Variants in TNFAIP2 observed in about 807,000 individuals in gnomAD.
The protein encoded by TNFAIP2 is TNF alpha induced protein 2.
TNFAIP2 carries 47 observed loss-of-function variants against 63.5 expected under a neutral mutation model. The observed-to-expected ratio is 0.74, with a 90% CI of 0.59 to 0.94. The LOEUF is 0.94. Ranked by LOEUF, TNFAIP2 falls within the 40% of genes least tolerant of loss-of-function variation. The probability of loss-of-function intolerance (pLI) is 0.00; values close to 1 mark genes in which losing one functional copy is unlikely to be tolerated. For missense variants in TNFAIP2, 787 were observed against 850.2 expected (o/e 0.93, Z 0.92); for synonymous variants, 405 against 390.2 (o/e 1.04, Z -0.45).
At chr14:103,123,236 C>A (rs2087781301), upstream of TNFAIP2, among the ~76,000 whole-genome samples, 1 of 152,226 alleles carries the variant, frequency 6.6e-6, no homozygotes, top group South Asian at 2.1e-4. Context: ...CGGCCAGCCC[C>A]CCGCCCCTGC....
At chr14:103,134,184 C>T (rs769873624) in intron 11 of TNFAIP2, among the ~76,000 whole-genome samples, 13 of 152,202 alleles carry the variant, frequency 8.5e-5, no homozygotes, top group Non-Finnish European at 1.5e-4. Flanking sequence ...GGCTCATATT[C>T]GGGAGTGGAG....
Position 103,129,669 on chromosome 14 carries a change from C to T in TNFAIP2, c.861-71C>T, listed in dbSNP as rs1055575733. 4.2e-6 allele frequency: 6 copies of T among 1,428,028 alleles called. No homozygotes were observed. The Middle Eastern group carries it at 1.1e-3, about 254-fold the overall frequency. 88.5% of individuals were successfully genotyped at this position (1,428,028 alleles called of 1,614,324 possible). ...GCCTGCCAGAGACCAAGGCTGAGGG[C>T]CTGGGCTCTAGCTTGAGTGGTGGTG... On this transcript the variant is annotated intron_variant, in intron 3 of 11. Coordinates refer to ENST00000560869, the MANE Select transcript of TNFAIP2 (RefSeq NM_006291.4).
In TNFAIP2 at chr14:103,126,556, G is replaced by A. The variant is rs148669851; in HGVS notation, c.99G>A (p.Lys33=). The A allele has an allele frequency of 4.2e-4, 652 of 1,562,628 alleles. 2 individuals carry two copies. In the African/African-American group the frequency reaches 8.0e-3, roughly 19 times the overall value. ...EEEAAKKKKE[K]KKKSKGLANV... ...AGGCGGCGAAGAAGAAGAAGGAGAA[G>A]AAGAAGAAGTCCAAAGGCCTGGCCA... The change falls in exon 2 of 12, where the codon AAG becomes AAA. Residue 33 remains lysine (K), a synonymous_variant. Coordinates refer to ENST00000560869, the MANE Select transcript of TNFAIP2 (RefSeq NM_006291.4).
At position 103,130,016 on chromosome 14, in the gene TNFAIP2, G is replaced by C; in HGVS notation, c.990G>C (p.Glu330Asp). ...FLSSEAANVRELMDRALELEA... is the reference protein window; with the variant it reads ...FLSSEAANVRDLMDRALELEA... ...TCCTCCTCCAGGCCAATGTGAGGGA[G>C]TTGATGGACCGAGCTCTGGAGCTAG... The change falls in exon 5 of 12, where the codon GAG becomes GAC. Residue 330 changes from glutamate (E) to aspartate (D), a missense_variant. Around this residue, in one of 3 missense-constraint regions of TNFAIP2, gnomAD observed 523 missense variants for 604.1 expected, o/e 0.87. Transcript: ENST00000560869. 6.2e-7 allele frequency: 1 copy of C among 1,612,268 alleles called. No individual in the cohort carries two copies. The highest frequency in any genetic ancestry group is 8.5e-7 in the Non-Finnish European group (1 of 1,179,900).
Position 103,130,432 on chromosome 14 carries a change from G to C in TNFAIP2, c.1199+17G>C, listed in dbSNP as rs1416907573. 2 of 1,552,418 alleles carry C rather than the reference G, an allele frequency of 1.3e-6. No homozygotes were observed. Among genetic ancestry groups the C allele is most frequent in the Non-Finnish European group, 8.7e-7 (1 of 1,148,198 alleles). ...CCTGAGGAGGTGGGTGTGTGCCCAG[G>C]ATGGGGTCCCTGTAGCCACCGCTCT... On this transcript the variant is annotated intron_variant, in intron 6 of 11. Transcript: ENST00000560869.
chr14:103,130,241 G>T, intron 5 of TNFAIP2, 74 bp from the exon 6 acceptor site: 3 of 1,527,690 alleles, frequency 2.0e-6, no homozygotes, highest in Non-Finnish European at 2.6e-6. Context: ...CTCTGTTCCC[G>T]CCTGTTTCCT....
chr14:103,126,681 C>T lies in TNFAIP2; in HGVS notation c.224C>T (p.Pro75Leu), dbSNP rs1489681666. The change falls in exon 2 of 12, where the codon CCG becomes CTG. Residue 75 changes from proline to leucine, a missense_variant. Pro to Leu is a moderately conservative substitution (Grantham distance 98). Around this residue, in one of 3 missense-constraint regions of TNFAIP2, gnomAD observed 258 missense variants for 228.9 expected, o/e 1.13. Transcript: ENST00000560869. ...AAGSRQGLDG[P>L]PPTVEELKAA... The stretch of plus-strand genomic sequence containing the variant: ...GGGTCCAGGCAGGGGCTGGATGGCC[C>T]GCCCCCCACAGGTGCTCTAGGACCC... 3.2e-6 allele frequency: 5 copies of T among 1,557,822 alleles called. No individual in the cohort carries two copies. Among genetic ancestry groups the T allele is most frequent in the Non-Finnish European group, 3.5e-6 (4 of 1,150,576 alleles).
At chr14:103,123,060 G>C (rs1448096012), upstream of TNFAIP2, 1 of 249,270 alleles carries the variant, frequency 4.0e-6, no homozygotes, top group Non-Finnish European at 8.5e-6. Context: ...GGGAGTTGGG[G>C]TGGGACGGGC....
intron 2 of TNFAIP2, 24 bp from the exon 3 acceptor site, chr14:103,126,981 G>A (rs1249555141): frequency 5.7e-6 from 7 of 1,238,252 alleles, no homozygotes; most frequent in South Asian, 2.4e-5. Flanking sequence ...TGGGGCCGGG[G>A]CTGACGCGGC....
At chr14:103,128,322 G>C (rs1294749382) in intron 3 of TNFAIP2, among the ~76,000 whole-genome samples, 2 of 152,180 alleles carry the variant, frequency 1.3e-5, no homozygotes, top group Non-Finnish European at 2.9e-5. Flanking sequence ...CTGTGAGCCC[G>C]CCGCAGAGCT....
In TNFAIP2 at chr14:103,127,186, G is replaced by T. The variant is rs1382674790; in HGVS notation, c.417G>T (p.Val139=). Residue 139 remains valine (V), a synonymous_variant, in exon 3 of 12, where the codon GTG becomes GTT. Transcript: ENST00000560869. This position sits in a 1 kb window ranked among gnomAD's most constrained non-coding sequence, Gnocchi z 5.1. ...TGCTGCGCGACCAGGTGCTGGGCGTGCTGCGGCGGCCGCTGGAGGCGCCGC... is the reference window on the plus strand; with the variant it reads ...TGCTGCGCGACCAGGTGCTGGGCGTTCTGCGGCGGCCGCTGGAGGCGCCGC... ...YELLRDQVLG[V]LRRPLEAPPE... The T allele has an allele frequency of 1.8e-6, 2 of 1,128,210 alleles. No individual in the cohort carries two copies. Among genetic ancestry groups the T allele is most frequent in the Middle Eastern group, 4.1e-4 (1 of 2,438 alleles). The allele number at this position is 1,128,210 out of a possible 1,614,324, so 69.9% of individuals were successfully genotyped here.
rs1189281698 is a variant in TNFAIP2, at chr14:103,133,453, A to G, written c.1637A>G (p.Gln546Arg). ...GRLVLKTAEQQQQLAGYILAN... is the reference protein window; with the variant it reads ...GRLVLKTAEQRQQLAGYILAN... Reference sequence around the variant, plus strand: ...CTGGTCCTCAAGACGGCCGAGCAGCAGCAGCAGCTGGCTGGGTACATCCTG... The same window carrying G: ...CTGGTCCTCAAGACGGCCGAGCAGCGGCAGCAGCTGGCTGGGTACATCCTG... Residue 546 changes from glutamine to arginine, a missense_variant, in exon 10 of 12, where the codon CAG becomes CGG. Physicochemically the swap from Gln to Arg is conservative, Grantham distance 43 (BLOSUM62 1). Coordinates refer to ENST00000560869, the MANE Select transcript of TNFAIP2 (RefSeq NM_006291.4). The G allele has an allele frequency of 6.2e-7, 1 of 1,613,994 alleles. No homozygotes were observed. Among genetic ancestry groups the G allele is most frequent in the Non-Finnish European group, 8.5e-7 (1 of 1,180,016 alleles).
chr14:103,136,718 C>T lies in TNFAIP2; in HGVS notation c.*1358C>T, dbSNP rs2088101745. 6.6e-6 allele frequency: 1 copy of T among 152,138 alleles called. No individual in the cohort carries two copies. The highest frequency in any genetic ancestry group is 1.5e-5 in the Non-Finnish European group (1 of 68,086). 9.4% of individuals were successfully genotyped at this position (152,138 alleles called of 1,614,324 possible). ...ACAGGGTCTCATTCTGTTGCCTAGG[C>T]TTGTCTGGAACTCCTGGGCTCAAGG... On this transcript the variant is annotated 3_prime_UTR_variant, in exon 12 of 12. Transcript: ENST00000560869.
rs1304765573 is a variant in TNFAIP2 at position 103,131,522 on chromosome 14, T to A, written c.1299-117T>A. 2 of 1,360,268 alleles carry A rather than the reference T, an allele frequency of 1.5e-6. No homozygotes were observed. Among genetic ancestry groups the A allele is most frequent in the Admixed American group, 2.6e-5 (1 of 38,204 alleles). The allele number at this position is 1,360,268 out of a possible 1,614,324, so 84.3% of individuals were successfully genotyped here. The stretch of plus-strand genomic sequence containing the variant: ...ACATGGATGGGAGGACTTGATCCCA[T>A]AGAGAATGGGGAGCCATTGAGGGTT... On this transcript the variant is annotated intron_variant, in intron 7 of 11. Transcript: ENST00000560869. This position sits in a 1 kb window ranked among gnomAD's most constrained non-coding sequence, Gnocchi z 4.0.
chr14:103,134,833 T>TAATCAGGC (rs1334528731), intron 11 of TNFAIP2, among the ~76,000 whole-genome samples: 1 of 152,208 alleles, frequency 6.6e-6, no homozygotes, highest in African/African-American at 2.4e-5. Flanking sequence ...ACTAATGACA[T>TAATCAGGC]AATCAGGCAA....
chr14:103,135,149 G>A lies in TNFAIP2; in HGVS notation c.1824-70G>A, dbSNP rs368674199. The A allele has an allele frequency of 1.9e-5, 30 of 1,603,194 alleles. No individual in the cohort carries two copies. The highest frequency in any genetic ancestry group is 1.6e-4 in the African/African-American group (12 of 74,860). On this transcript the variant is annotated intron_variant, in intron 11 of 11. Coordinates refer to ENST00000560869, the MANE Select transcript of TNFAIP2 (RefSeq NM_006291.4). This position sits in a 1 kb window ranked among gnomAD's most constrained non-coding sequence, Gnocchi z 7.6. ...GCTGTCGGGCCCTGTGGCACTGGCC[G>A]GGAGTGCAGGGAGCTGGTGAGTAGG...
chr14:103,132,559 C>T lies in TNFAIP2; in HGVS notation c.1423-191C>T. On this transcript the variant is annotated intron_variant, in intron 8 of 11. Coordinates refer to ENST00000560869, the MANE Select transcript of TNFAIP2 (RefSeq NM_006291.4). ...TGACCTTGGATAAGGGTGCACAGAG[C>T]CGGCTCCCACTTCCTGTCTGTGAGC... is the stretch of plus-strand genomic sequence containing the variant. 7 of 799,182 alleles carry T rather than the reference C, an allele frequency of 8.8e-6. 1 individual carries two copies. The highest frequency in any genetic ancestry group is 8.8e-5 in the South Asian group (6 of 68,512). The allele number at this position is 799,182 out of a possible 1,614,324, so 49.5% of individuals were successfully genotyped here. A position where few individuals can be genotyped will look rare whatever the true frequency, so the allele number is the denominator to read the frequency against.
At position 103,127,083 on chromosome 14, in the gene TNFAIP2, C is replaced by CGTT. The variant is rs1408308265; in HGVS notation, c.315_316insTTG (p.Ala105_Ala106insLeu). ...CTGCTGGCGCTGGAGCGGGAGCTGG[C>CGTT]GGCGGCGGCGGCGGCGGGCGGTGTG... On this transcript the variant is annotated inframe_insertion, in exon 3 of 12. Coordinates refer to ENST00000560869, the MANE Select transcript of TNFAIP2 (RefSeq NM_006291.4). This position sits in a 1 kb window ranked among gnomAD's most constrained non-coding sequence, Gnocchi z 5.1. 3 of 1,061,590 alleles carry CGTT rather than the reference C, an allele frequency of 2.8e-6. No individual in the cohort carries two copies. In the African/African-American group the frequency reaches 5.3e-5, roughly 19 times the overall value. 65.8% of individuals were successfully genotyped at this position (1,061,590 alleles called of 1,614,324 possible).
In TNFAIP2 at chr14:103,127,613, C is replaced by G. The variant is rs1132339; in HGVS notation, c.844C>G (p.Gln282Glu). 0.6 allele frequency: 911,334 copies of G among 1,511,334 alleles called. 278,238 individuals are homozygous for G. The highest frequency in any genetic ancestry group is 0.64 in the Middle Eastern group (3,671 of 5,742). The allele number at this position is 1,511,334 out of a possible 1,614,324, so 93.6% of individuals were successfully genotyped here. Reference sequence around the variant, plus strand: ...CACCTACATGCTGCTGCTCTGGGTGCAGAACCTCTACCCCAAGTGAGCAGA... The same window carrying G: ...CACCTACATGCTGCTGCTCTGGGTGGAGAACCTCTACCCCAAGTGAGCAGA... ...RDTYMLLLWV[Q>E]NLYPNDIINS... Residue 282 changes from glutamine (Q) to glutamate (E), a missense_variant, in exon 3 of 12, where the codon CAG becomes GAG. Physicochemically the swap from Gln to Glu is conservative, Grantham distance 29. Around this residue, in one of 3 missense-constraint regions of TNFAIP2, gnomAD observed 523 missense variants for 604.1 expected, o/e 0.87. Transcript: ENST00000560869. The surrounding 1 kb of genome is among the most constrained non-coding windows in gnomAD (Gnocchi z 5.1).
Sources: allele counts gnomAD v4.1 joint callset (sites outside exome capture counted in the v4.1 genomes callset), GRCh38; gene constraint gnomAD v4.1.1; regional missense constraint gnomAD v4.1.1; non-coding constraint Gnocchi (gnomAD v3.1); transcripts MANE v1.5; gene names NCBI Gene and HGNC (gene_info 2026-07-23, HGNC 2026-07-21).